The following NSMCE2 variants were observed in gnomAD, a reference collection of about 807,000 sequenced individuals.
NSMCE2 encodes NSE2 SUMO ligase component of SMC5/6 complex, also known as E3 SUMO-protein ligase NSE2.
In NSMCE2, 24 loss-of-function variants were observed where a neutral mutation model predicts 23.8. The observed-to-expected ratio is 1.01, with a 90% CI of 0.73 to 1.42. NSMCE2 has a LOEUF of 1.42. NSMCE2 is among the 40% of genes most tolerant of loss of function. The pLI, the probability that NSMCE2 is intolerant of heterozygous loss-of-function variation, is 0.00. For synonymous variants in NSMCE2, 92 were observed against 94.1 expected (o/e 0.98, Z 0.13); for missense variants, 284 against 296.5 (o/e 0.96, Z 0.31).
chr8:125,330,111 T>C (rs759088454), intron 5 of NSMCE2, among the ~76,000 whole-genome samples: 1 of 152,012 alleles, frequency 6.6e-6, no homozygotes, highest in Non-Finnish European at 1.5e-5. Context: ...GGCACGTCGC[T>C]TTCAGAAGGA....
At chr8:125,210,939 G>A (rs184311932) in intron 5 of NSMCE2, among the ~76,000 whole-genome samples, 1 of 151,770 alleles carries the variant, frequency 6.6e-6, no homozygotes, top group Non-Finnish European at 1.5e-5. Flanking sequence ...CACCATGTTG[G>A]CCAGGCTGGT....
chr8:125,306,624 C>T (rs1273996384), intron 5 of NSMCE2, among the ~76,000 whole-genome samples: 2 of 152,136 alleles, frequency 1.3e-5, no homozygotes, highest in Non-Finnish European at 2.9e-5. Context: ...GTTTCTTTTC[C>T]ACTGACCATC....
At chr8:125,319,982 C>G (rs1829358592) in intron 5 of NSMCE2, among the ~76,000 whole-genome samples, 1 of 151,916 alleles carries the variant, frequency 6.6e-6, no homozygotes, top group Admixed American at 6.6e-5. Flanking sequence ...TCCAGACCAG[C>G]CTGACCAACA....
chr8:125,284,162 A>C (rs1827804944), intron 5 of NSMCE2, among the ~76,000 whole-genome samples: 1 of 151,446 alleles, frequency 6.6e-6, no homozygotes, highest in African/African-American at 2.4e-5. Context: ...AAAAGAAAAA[A>C]AAAAAAAGAA....
intron 5 of NSMCE2, among the ~76,000 whole-genome samples, chr8:125,258,942 G>C (rs1161558735): frequency 6.6e-6 from 1 of 152,076 alleles, no homozygotes; most frequent in Non-Finnish European, 1.5e-5. Context: ...TGCTCTTGTT[G>C]CCCAGGCTGT....
intron 5 of NSMCE2, among the ~76,000 whole-genome samples, chr8:125,344,944 A>G (rs1194461558): frequency 1.3e-5 from 2 of 151,980 alleles, no homozygotes; most frequent in African/African-American, 4.8e-5. Context: ...TCAGTCTTTC[A>G]GATATCTATA....
intron 5 of NSMCE2, among the ~76,000 whole-genome samples, chr8:125,210,291 TTAC>T (rs1344824197): frequency 1.3e-5 from 2 of 152,242 alleles, no homozygotes; most frequent in East Asian, 3.8e-4. Flanking sequence ...ACTGTCATTA[TTAC>T]TACATCATGT....
chr8:125,212,494 G>T (rs1234150694), intron 5 of NSMCE2, among the ~76,000 whole-genome samples: 1 of 152,172 alleles, frequency 6.6e-6, no homozygotes, highest in Non-Finnish European at 1.5e-5. Flanking sequence ...GAACAACAAG[G>T]TGAAAAGAGC....
intron 5 of NSMCE2, among the ~76,000 whole-genome samples, chr8:125,248,631 C>T (rs1336545299): frequency 1.3e-5 from 2 of 151,214 alleles, no homozygotes; most frequent in Non-Finnish European, 3.0e-5. Flanking sequence ...CCAGCCTGGG[C>T]GACAGAGCAA....
At chr8:125,217,981 G>A (rs946984946) in intron 5 of NSMCE2, among the ~76,000 whole-genome samples, 3 of 152,056 alleles carry the variant, frequency 2.0e-5, no homozygotes, top group Non-Finnish European at 4.4e-5. Context: ...TAAAGCAGAA[G>A]TCTCTACGCT....
intron 5 of NSMCE2, among the ~76,000 whole-genome samples, chr8:125,344,376 A>T (rs894221182): frequency 1.3e-5 from 2 of 152,206 alleles, no homozygotes; most frequent in South Asian, 2.1e-4. Flanking sequence ...TGCAGTAGTT[A>T]TGTCACCCAC....
intron 5 of NSMCE2, among the ~76,000 whole-genome samples, chr8:125,245,498 A>C (rs1311333754): frequency 6.6e-6 from 1 of 152,218 alleles, no homozygotes; most frequent in African/African-American, 2.4e-5. Flanking sequence ...ACTTACCAAA[A>C]TGTGTAGGTG....
At chr8:125,294,709 GA>G (rs1450182979) in intron 5 of NSMCE2, among the ~76,000 whole-genome samples, 1 of 152,122 alleles carries the variant, frequency 6.6e-6, no homozygotes, top group African/African-American at 2.4e-5. Flanking sequence ...AATTATACGT[GA>G]AAAAACATAA....
chr8:125,210,595 A>G (rs892508277), intron 5 of NSMCE2, among the ~76,000 whole-genome samples: 1 of 152,190 alleles, frequency 6.6e-6, no homozygotes, highest in Non-Finnish European at 1.5e-5. Context: ...TTTCTGGTCC[A>G]TCTTACCCTT....
chr8:125,352,407 C>T (rs1345250380), intron 5 of NSMCE2, among the ~76,000 whole-genome samples: 3 of 148,614 alleles, frequency 2.0e-5, no homozygotes, highest in East Asian at 2.0e-4. Flanking sequence ...ACCCGGGAGG[C>T]GGAGGTTGCA....
chr8:125,123,915 T>G (rs1819387168), intron 3 of NSMCE2, among the ~76,000 whole-genome samples: 1 of 152,230 alleles, frequency 6.6e-6, no homozygotes, highest in Non-Finnish European at 1.5e-5. Flanking sequence ...TGAGGTATGA[T>G]TCACCCATTT....
At chr8:125,179,385 CT>C (rs1419281839) in intron 4 of NSMCE2, among the ~76,000 whole-genome samples, 1 of 152,032 alleles carries the variant, frequency 6.6e-6, no homozygotes, top group Non-Finnish European at 1.5e-5. Context: ...AGAGGGGCAT[CT>C]TTATCTTTTT....
intron 5 of NSMCE2, among the ~76,000 whole-genome samples, chr8:125,192,148 A>G (rs985224327): frequency 6.6e-6 from 1 of 152,174 alleles, no homozygotes; most frequent in East Asian, 1.9e-4. Context: ...AATCTAGATT[A>G]GGAAGACCAA....
rs546194073 is a variant in NSMCE2 at position 125,179,556 on chromosome 8, A to G, written c.265-2547A>G. Among the ~76,000 whole-genome samples, 76 of 152,348 alleles carry G rather than the reference A, an allele frequency of 5.0e-4. 1 individual carries two copies. Among genetic ancestry groups the G allele is most frequent in the African/African-American group, 1.8e-3 (74 of 41,586 alleles). ...GAATGTTTTTAAATTTCATTTTGAT[A>G]GCTAGAGTACAGTCAGTTCTCTTTG... On this transcript the variant is annotated intron_variant, in intron 4 of 7. Transcript: ENST00000287437.
Sources: gnomAD v4.1 joint callset for allele counts (sites outside exome capture counted in the v4.1 genomes callset) on GRCh38, gnomAD v4.1.1 for gene constraint, MANE v1.5 for transcripts, NCBI Gene and HGNC (gene_info 2026-07-23, HGNC 2026-07-21) for gene names.